Variants in PTPRE observed in about 807,000 individuals in gnomAD.
PTPRE encodes protein tyrosine phosphatase receptor type E, also known as receptor-type tyrosine-protein phosphatase epsilon.
In PTPRE, 51 loss-of-function variants were observed where a neutral mutation model predicts 102.0. That is an observed-to-expected ratio of 0.50 (90% confidence interval 0.40 to 0.63). PTPRE has a LOEUF of 0.63. Among genes scored for constraint, PTPRE ranks in the 30% least tolerant of loss-of-function variants. PTPRE has a pLI of 0.00. For synonymous variants in PTPRE, 345 were observed against 348.2 expected (o/e 0.99, Z 0.10); for missense variants, 752 against 915.1 (o/e 0.82, Z 2.30).
At chr10:127,937,407 T>C (rs1847913317) in intron 1 of PTPRE, among the ~76,000 whole-genome samples, 1 of 152,180 alleles carries the variant, frequency 6.6e-6, no homozygotes, top group South Asian at 2.1e-4. Flanking sequence ...ATATGAATCC[T>C]GAATTTTCTG....
intron 1 of PTPRE, among the ~76,000 whole-genome samples, chr10:127,960,055 G>A (rs1849683661): frequency 6.6e-6 from 1 of 152,192 alleles, no homozygotes; most frequent in Non-Finnish European, 1.5e-5. Flanking sequence ...TGTAAGATGG[G>A]AAGTAATAAA....
chr10:128,007,684 C>T (rs1844612544), intron 2 of PTPRE, among the ~76,000 whole-genome samples: 2 of 152,300 alleles, frequency 1.3e-5, no homozygotes, highest in Non-Finnish European at 2.9e-5. Context: ...GCCGTTTTAC[C>T]AGCTGAGAAG....
At chr10:127,971,165 T>C (rs55707648) in intron 1 of PTPRE, among the ~76,000 whole-genome samples, 6,217 of 152,290 alleles carry the variant, frequency 0.041, 210 homozygotes, top group Admixed American at 0.09. Context: ...GAGAGCTTCA[T>C]GTTGTCAAGT....
At chr10:127,984,654 G>A (rs955605272) in intron 2 of PTPRE, among the ~76,000 whole-genome samples, 2 of 152,110 alleles carry the variant, frequency 1.3e-5, no homozygotes, top group African/African-American at 4.8e-5. Context: ...TTGAATCATG[G>A]GGGCGGTTCC....
intron 2 of PTPRE, among the ~76,000 whole-genome samples, chr10:128,031,347 G>A (rs867549921): frequency 6.6e-6 from 1 of 152,202 alleles, no homozygotes; most frequent in African/African-American, 2.4e-5. Flanking sequence ...CGGAGGCTCC[G>A]TGGAGGGGCT....
chr10:127,969,745 G>A (rs979433458), intron 1 of PTPRE, among the ~76,000 whole-genome samples: 2 of 152,002 alleles, frequency 1.3e-5, no homozygotes, highest in African/African-American at 4.8e-5. Flanking sequence ...CACACGTAAA[G>A]GAGACGGTCA....
Position 128,070,824 on chromosome 10 carries a change from G to A in PTPRE, c.1310G>A (p.Arg437Gln), listed in dbSNP as rs769834080. Reference sequence around the variant, plus strand: ...CTGCTGCAGAAATTGACAAATGTCCGGATCATGAAGGAGAACATGAGGACG... The same window carrying A: ...CTGCTGCAGAAATTGACAAATGTCCAGATCATGAAGGAGAACATGAGGACG... ...EEEFRKLTNV[R>Q]IMKENMRTGN... The change falls in exon 15 of 21, where the codon CGG (arginine) becomes CAG (glutamine). Residue 437 changes from arginine to glutamine, a missense_variant. By Grantham distance (43) the Arg-to-Gln change is conservative (BLOSUM62 1). This residue lies in a region of PTPRE where 636 missense variants were observed against 824.4 expected (regional missense o/e 0.77). Coordinates refer to ENST00000254667, the MANE Select transcript of PTPRE (RefSeq NM_006504.6). The surrounding 1 kb of genome is among the most constrained non-coding windows in gnomAD (Gnocchi z 4.8). The A allele has an allele frequency of 1.1e-5, 18 of 1,613,754 alleles. No homozygotes were observed. Among genetic ancestry groups the A allele is most frequent in the Middle Eastern group, 1.6e-4 (1 of 6,084 alleles).
intron 6 of PTPRE, among the ~76,000 whole-genome samples, chr10:128,053,563 AC>A (rs1285724225): frequency 6.6e-6 from 1 of 152,094 alleles, no homozygotes; most frequent in Non-Finnish European, 1.5e-5. Context: ...CAGGATACAT[AC>A]GTGTGCGGTG....
rs1004160554 is a variant in PTPRE, at chr10:128,044,145, A to C, written c.109+3155A>C. Among the ~76,000 whole-genome samples the C allele has an allele frequency of 2.9e-4, 44 of 152,226 alleles. 1 individual carries two copies. The highest frequency in any genetic ancestry group is 1.0e-3 in the African/African-American group (43 of 41,452). ...AAAGATACGCTTTGAAATCTTAATT[A>C]TGTTTAACTCTGGCAAAGAGAACAG... On this transcript the variant is annotated intron_variant, in intron 3 of 20. Coordinates refer to ENST00000254667, the MANE Select transcript of PTPRE (RefSeq NM_006504.6).
At position 127,940,970 on chromosome 10, in the gene PTPRE, G is replaced by C. The variant is rs78291774; in HGVS notation, c.-31+33661G>C. On this transcript the variant is annotated intron_variant, in intron 1 of 20. Coordinates refer to ENST00000254667, the MANE Select transcript of PTPRE (RefSeq NM_006504.6). ...GTGTCCAGAAAATGCTTGAAGACAA[G>C]AAAGGTTCCCCCAGTGAGTCCATGC... is the stretch of plus-strand genomic sequence containing the variant. Among the ~76,000 whole-genome samples, 1,394 of 152,336 alleles carry C rather than the reference G, an allele frequency of 9.2e-3. 8 individuals carry two copies. The highest frequency in any genetic ancestry group is 0.024 in the East Asian group (125 of 5,166).
chr10:127,970,692 T>G (rs1850661671), intron 1 of PTPRE, among the ~76,000 whole-genome samples: 1 of 151,726 alleles, frequency 6.6e-6, no homozygotes, highest in South Asian at 2.1e-4. Context: ...GTTTGGACTA[T>G]TCTTTTGTTA....
chr10:127,934,020 C>CCGCG (rs1235510049), intron 1 of PTPRE: 5 of 104,586 alleles, frequency 4.8e-5, no homozygotes, highest in African/African-American at 2.1e-4. Flanking sequence ...CCCCCACCCC[C>CCGCG]CGCGCACACA....
At chr10:128,018,502 G>A (rs1007444605) in intron 2 of PTPRE, among the ~76,000 whole-genome samples, 3 of 152,210 alleles carry the variant, frequency 2.0e-5, no homozygotes, top group African/African-American at 7.2e-5. Flanking sequence ...ATATTCGTGA[G>A]GCTTTGACGA....
intron 7 of PTPRE, among the ~76,000 whole-genome samples, chr10:128,057,558 CTG>C (rs1357535371): frequency 1.3e-5 from 2 of 152,238 alleles, no homozygotes; most frequent in East Asian, 3.8e-4. Flanking sequence ...TCTGTCCAAA[CTG>C]TGCACTTTTT....
intron 11 of PTPRE, among the ~76,000 whole-genome samples, chr10:128,067,216 TCACATGCACA>T (rs1198016081): frequency 5.5e-5 from 5 of 91,458 alleles, no homozygotes; most frequent in East Asian, 4.5e-4. Context: ...CCACACACAT[TCACATGCACA>T]CACATGCACA....
chr10:128,067,472 A>G (rs1313163513), intron 11 of PTPRE, among the ~76,000 whole-genome samples: 1 of 151,906 alleles, frequency 6.6e-6, no homozygotes, highest in Non-Finnish European at 1.5e-5. Context: ...ATGTGCACAC[A>G]TTCACACGTG....
Position 127,912,494 on chromosome 10 carries a change from A to G in PTPRE, c.-31+5185A>G, listed in dbSNP as rs149462408. 1.4e-3 allele frequency among the ~76,000 whole-genome samples: 217 copies of G among 152,362 alleles called. 1 individual carries two copies. The highest frequency in any genetic ancestry group is 5.0e-3 in the African/African-American group (208 of 41,588). ...AAATCTTTCTCCCAAAAACAAATAT[A>G]AAGTCCAGCAGGGAGTAGGGAAATG... On this transcript the variant is annotated intron_variant, in intron 1 of 20. Coordinates refer to ENST00000254667, the MANE Select transcript of PTPRE (RefSeq NM_006504.6).
intron 7 of PTPRE, 32 bp downstream of exon 7, chr10:128,056,245 A>G (rs1848951113): frequency 1.3e-6 from 2 of 1,554,150 alleles, no homozygotes; most frequent in Non-Finnish European, 1.8e-6. Context: ...TGCATGATCA[A>G]TGGTGTTTGC....
At position 128,070,124 on chromosome 10, in the gene PTPRE, A is replaced by T; in HGVS notation, c.1144-177A>T. 2 of 753,758 alleles carry T rather than the reference A, an allele frequency of 2.7e-6. No individual in the cohort carries two copies. The highest frequency in any genetic ancestry group is 1.9e-5 in the South Asian group (1 of 52,910). 46.7% of individuals were successfully genotyped at this position (753,758 alleles called of 1,614,324 possible). On this transcript the variant is annotated intron_variant, in intron 13 of 20. Transcript: ENST00000254667. This position sits in a 1 kb window ranked among gnomAD's most constrained non-coding sequence, Gnocchi z 4.8. ...AGGCTCTGCTGCTACCGTTCTCCTT[A>T]CTCAAGGGCATAAATGGTCGTTATC...
Sources: gnomAD v4.1 joint callset for allele counts (sites outside exome capture counted in the v4.1 genomes callset) on GRCh38, gnomAD v4.1.1 for gene constraint, gnomAD v4.1.1 regional missense constraint, Gnocchi (gnomAD v3.1) non-coding constraint, MANE v1.5 for transcripts, NCBI Gene and HGNC (gene_info 2026-07-23, HGNC 2026-07-21) for gene names.